The following ARHGAP4 variants were observed in gnomAD, a reference collection of about 807,000 sequenced individuals.
ARHGAP4 encodes the protein Rho GTPase activating protein 4.
ARHGAP4 carries 25 observed loss-of-function variants against 67.6 expected under a neutral mutation model. The ratio of observed to expected loss-of-function variants is 0.37; its 90% CI spans 0.27 to 0.52. ARHGAP4 has a LOEUF of 0.52. Among genes scored for constraint, ARHGAP4 ranks in the 20% least tolerant of loss-of-function variants. The probability of loss-of-function intolerance (pLI) is 0.92; values close to 1 mark genes in which losing one functional copy is unlikely to be tolerated. For synonymous variants in ARHGAP4, 448 were observed against 373.7 expected, an observed-to-expected ratio of 1.20 and a Z score of -2.29; for missense variants, 804 against 854.6, an observed-to-expected ratio of 0.94 and a Z score of 0.74.
Position 153,919,297 on chromosome X carries a change from T to C in ARHGAP4, c.682-14A>G, listed in dbSNP as rs782561879. ...CTTGGCCTGCCGCTACTCAAGACAA[T>C]GCAAGCGTGCCAGGGTCACGCACGT... is the stretch of plus-strand genomic sequence containing the variant. On this transcript the variant is annotated splice_polypyrimidine_tract_variant and intron_variant, in intron 5 of 21. Transcript: ENST00000350060. The C allele has an allele frequency of 1.4e-5, 17 of 1,210,826 alleles. No individual in the cohort carries two copies. The East Asian group carries it at 3.3e-4, about 23-fold the overall frequency.
At chrX:153,919,126 C>T in intron 6 of ARHGAP4, 29 bp downstream of exon 6, 1 of 1,211,414 alleles carries the variant, frequency 8.3e-7, no homozygotes, top group Non-Finnish European at 1.1e-6. Flanking sequence ...CACCAGGCAC[C>T]TTTTCCCACC....
chrX:153,925,827 G>A (rs1421705414), intron 1 of ARHGAP4, among the ~76,000 whole-genome samples: 1 of 113,181 alleles, frequency 8.8e-6, no homozygotes, highest in Non-Finnish European at 1.9e-5. Flanking sequence ...GGGCACGTTG[G>A]TGCATCTGGC....
At chrX:153,913,709 A>C in intron 8 of ARHGAP4, 69 bp downstream of exon 8, 1 of 1,171,906 alleles carries the variant, frequency 8.5e-7, no homozygotes. Context: ...CAGGGCAGCC[A>C]CTTCCAACAG....
intron 1 of ARHGAP4, among the ~76,000 whole-genome samples, chrX:153,924,597 G>A (rs1244713047): frequency 2.7e-5 from 3 of 111,888 alleles, no homozygotes; most frequent in African/African-American, 9.8e-5. Flanking sequence ...GACGCCATTT[G>A]AAATCAGGGG....
chrX:153,922,416 G>A, intron 1 of ARHGAP4: 1 of 754,273 alleles, frequency 1.3e-6, no homozygotes, highest in Non-Finnish European at 1.6e-6. Flanking sequence ...AATGGGGCAG[G>A]GAGCTAGCCC....
At chrX:153,925,713 C>T (rs138669123) in intron 1 of ARHGAP4, among the ~76,000 whole-genome samples, 2 of 112,005 alleles carry the variant, frequency 1.8e-5, no homozygotes, top group East Asian at 2.8e-4. Context: ...AGTGGGGTTA[C>T]GGCCAGGTGA....
At chrX:153,921,342 G>A (rs782436181) in intron 3 of ARHGAP4, 23 bp downstream of exon 3, 9 of 1,209,207 alleles carry the variant, frequency 7.4e-6, no homozygotes, top group South Asian at 3.5e-5. Flanking sequence ...AACACTTCCC[G>A]TGGCCCAGGA....
At chrX:153,915,407 T>G (rs898080467) in intron 7 of ARHGAP4, among the ~76,000 whole-genome samples, 8 of 111,565 alleles carry the variant, frequency 7.2e-5, no homozygotes, top group African/African-American at 2.6e-4. Flanking sequence ...CTGCCACACC[T>G]TTTTTTAAAA....
chrX:153,921,406 G>A lies in ARHGAP4; in HGVS notation c.394C>T (p.Leu132=). The change falls in exon 3 of 22, where the codon CTG becomes TTG. Residue 132 remains leucine (L), a synonymous_variant. Coordinates refer to ENST00000350060, the MANE Select transcript of ARHGAP4 (RefSeq NM_001666.5). ...CCCACGTCCTCTGCAATGTGACTCA[G>A]GCGCTGGGCCAGGGGCCCGGCCAGC... ...EVLAGPLAQR[L]SHIAEDVGRL... 2.5e-6 allele frequency: 3 copies of A among 1,210,709 alleles called. No individual in the cohort carries two copies. Among genetic ancestry groups the A allele is most frequent in the Non-Finnish European group, 3.4e-6 (3 of 895,330 alleles).
intron 12 of ARHGAP4, among the ~76,000 whole-genome samples, chrX:153,912,068 T>C (rs1350519077): frequency 8.9e-6 from 1 of 111,973 alleles, no homozygotes; most frequent in Non-Finnish European, 1.9e-5. Flanking sequence ...TCTCTGATGC[T>C]TGCTTGCTTC....
rs201383019 is a variant in ARHGAP4, at chrX:153,921,030, T to C, written c.498+67A>G. On this transcript the variant is annotated intron_variant, in intron 4 of 21. Coordinates refer to ENST00000350060, the MANE Select transcript of ARHGAP4 (RefSeq NM_001666.5). ...TGATGTGATGGTCTGGCGGTGTTCC[T>C]CCCCCACTGTGAGTGGCATTTCTCC... is the stretch of plus-strand genomic sequence containing the variant. The C allele has an allele frequency of 1.1e-5, 12 of 1,129,394 alleles. No individual in the cohort carries two copies. In the South Asian group the frequency reaches 2.3e-4, roughly 22 times the overall value. The allele number at this position is 1,129,394 out of a possible 1,213,427, so 93.1% of individuals were successfully genotyped here.
chrX:153,921,496 A>C lies in ARHGAP4; in HGVS notation c.304T>G (p.Cys102Gly). The C allele has an allele frequency of 8.4e-7, 1 of 1,194,799 alleles. No homozygotes were observed. The highest frequency in any genetic ancestry group is 1.1e-6 in the Non-Finnish European group (1 of 886,622). Residue 102 changes from cysteine to glycine, a missense_variant, in exon 3 of 22, where the codon TGC becomes GGC. This residue lies in a region of ARHGAP4 where 404 missense variants were observed against 505.9 expected (regional missense o/e 0.80). Coordinates refer to ENST00000350060, the MANE Select transcript of ARHGAP4 (RefSeq NM_001666.5). ...KEPSLLSPLH[C>G]WAVLLQHTRQ... The stretch of plus-strand genomic sequence containing the variant: ...GTGTGCTGCAGCAGCACCGCCCAGC[A>C]GTGCAAGGGCGACAGGAGGGACGGC...
rs782816428 is a variant in ARHGAP4, at chrX:153,921,613, T to G, written c.264A>C (p.Gln88His). Residue 88 changes from glutamine to histidine, a missense_variant, in exon 2 of 22, where the codon CAA becomes CAC. Gln to His is a conservative substitution (Grantham distance 24). Around this residue, in one of 2 missense-constraint regions of ARHGAP4, gnomAD observed 404 missense variants for 505.9 expected, o/e 0.80. Coordinates refer to ENST00000350060, the MANE Select transcript of ARHGAP4 (RefSeq NM_001666.5). The stretch of plus-strand genomic sequence containing the variant: ...GCCAGCACATCACCTACCGGAAGCT[T>G]TGGTGCTCCCGGCTGCTCCCCAGGC... The part of the protein sequence containing the change: ...GGRLGSSREH[Q>H]SFRKEPSLLS... 1.7e-6 allele frequency: 2 copies of G among 1,207,949 alleles called. No individual in the cohort carries two copies. The highest frequency in any genetic ancestry group is 2.2e-5 in the Admixed American group (1 of 45,889).
chrX:153,908,513 G>C (rs1034409966), intron 21 of ARHGAP4, among the ~76,000 whole-genome samples: 5 of 111,946 alleles, frequency 4.5e-5, no homozygotes, highest in African/African-American at 1.6e-4. Context: ...ACAGAGCACG[G>C]AGCAGGGTCC....
At chrX:153,908,358 A>G (rs1226829538) in intron 21 of ARHGAP4, among the ~76,000 whole-genome samples, 1 of 111,435 alleles carries the variant, frequency 9.0e-6, no homozygotes, top group Non-Finnish European at 1.9e-5. Flanking sequence ...CTCCGTGTCT[A>G]CCGGACCCTC....
At chrX:153,911,933 AG>A (rs1388459872) in intron 12 of ARHGAP4, among the ~76,000 whole-genome samples, 14 of 110,534 alleles carry the variant, frequency 1.3e-4, no homozygotes, top group African/African-American at 4.6e-4. Context: ...AAAAAAAAAA[AG>A]AAAGAAACTC....
In ARHGAP4 at chrX:153,907,586, C is replaced by T. The variant is rs1373336988; in HGVS notation, c.*143G>A. The stretch of plus-strand genomic sequence containing the variant: ...TGTGGAGCGGGCATCCCTGTGTGCA[C>T]GGCCCCATCCCACCTCTCTGCACAG... On this transcript the variant is annotated 3_prime_UTR_variant, in exon 22 of 22. Transcript: ENST00000350060. 9 of 367,933 alleles carry T rather than the reference C, an allele frequency of 2.4e-5. No individual in the cohort carries two copies. Among genetic ancestry groups the T allele is most frequent in the Admixed American group, 1.0e-4 (2 of 19,855 alleles). 30.3% of individuals were successfully genotyped at this position (367,933 alleles called of 1,213,427 possible).
At chrX:153,919,765 C>A in intron 5 of ARHGAP4, 1 of 932,023 alleles carries the variant, frequency 1.1e-6, no homozygotes, top group Non-Finnish European at 1.4e-6. Flanking sequence ...CACCTGGGTT[C>A]TAAAACTGGC....
intron 7 of ARHGAP4, among the ~76,000 whole-genome samples, chrX:153,914,509 A>C (rs1302389514): frequency 1.8e-5 from 2 of 111,748 alleles, no homozygotes; most frequent in Non-Finnish European, 3.8e-5. Flanking sequence ...CAGCCTGGCC[A>C]ACACGGTGAA....
Sources: gnomAD v4.1 joint callset for allele counts (sites outside exome capture counted in the v4.1 genomes callset) on GRCh38, gnomAD v4.1.1 for gene constraint, gnomAD v4.1.1 regional missense constraint, MANE v1.5 for transcripts, NCBI Gene and HGNC (gene_info 2026-07-23, HGNC 2026-07-21) for gene names.